The following TDRD1 variants were observed in gnomAD, a reference collection of about 807,000 sequenced individuals.
TDRD1 encodes the protein tudor domain-containing protein 1.
In TDRD1, 37 loss-of-function variants were observed where a neutral mutation model predicts 140.6. That is an observed-to-expected ratio of 0.26 (90% CI 0.20 to 0.35). The LOEUF (loss-of-function observed/expected upper bound fraction) is 0.35, where lower values mean the gene tolerates loss of function less well. Ranked by LOEUF, TDRD1 falls within the 10% of genes least tolerant of loss-of-function variation. The pLI is 1.00. For missense variants in TDRD1, 1,243 were observed against 1,393.0 expected, an observed-to-expected ratio of 0.89 and a Z score of 1.71; for synonymous variants, 506 against 475.7, an observed-to-expected ratio of 1.06 and a Z score of -0.83.
chr10:114,208,430 CAATT>C (rs2133039503), intron 11 of TDRD1, among the ~76,000 whole-genome samples: 1 of 152,338 alleles, frequency 6.6e-6, no homozygotes, highest in South Asian at 2.1e-4. Context: ...CTCTGTCACA[CAATT>C]AAATCAGTCC....
At chr10:114,199,407 A>G in intron 4 of TDRD1, 90 bp downstream of exon 4, 2 of 1,483,162 alleles carry the variant, frequency 1.3e-6, no homozygotes, top group Non-Finnish European at 1.8e-6. Context: ...ATTAAGTGTA[A>G]TTAGAACAGT....
At chr10:114,218,723 C>T (rs747460613) in intron 18 of TDRD1, 139 bp downstream of exon 18, 10 of 609,312 alleles carry the variant, frequency 1.6e-5, no homozygotes, top group Non-Finnish European at 2.6e-5. Flanking sequence ...ATTTTACTTA[C>T]AATATTGACC....
exon 21 of TDRD1, chr10:114,222,666 A>G: frequency 6.2e-7 from 1 of 1,612,694 alleles, no homozygotes; most frequent in Non-Finnish European, 8.5e-7. Flanking sequence ...CACCCTATAG[A>G]CCAAGAATTG....
At chr10:114,203,957 AG>A in intron 8 of TDRD1, 115 bp from the exon 9 acceptor site, 1 of 1,209,188 alleles carries the variant, frequency 8.3e-7, no homozygotes. Flanking sequence ...TTATTAATTG[AG>A]TGCCTCAGAA....
At chr10:114,220,762 T>A in exon 19 of TDRD1, 2 of 1,612,382 alleles carry the variant, frequency 1.2e-6, no homozygotes, top group Non-Finnish European at 1.7e-6. Context: ...GGTTTTAAAA[T>A]CTGCTTCACC....
intron 11 of TDRD1, among the ~76,000 whole-genome samples, chr10:114,209,315 G>A (rs1053717745): frequency 4.6e-5 from 7 of 152,168 alleles, no homozygotes; most frequent in Admixed American, 2.0e-4. Flanking sequence ...CTATGTACAC[G>A]TGAAGAAGCA....
chr10:114,186,588 C>G (rs956067607), intron 1 of TDRD1, among the ~76,000 whole-genome samples: 1 of 152,098 alleles, frequency 6.6e-6, no homozygotes, highest in Admixed American at 6.6e-5. Flanking sequence ...TGTAATTGAA[C>G]GACATTGCTC....
At chr10:114,203,737 T>C (rs1437684095) in intron 8 of TDRD1, among the ~76,000 whole-genome samples, 170 bp downstream of exon 8, 1 of 152,230 alleles carries the variant, frequency 6.6e-6, no homozygotes, top group East Asian at 1.9e-4. Flanking sequence ...CTCCCTGTCT[T>C]ACTCCTCTCC....
At chr10:114,201,766 C>G (rs1393894689) in intron 5 of TDRD1, among the ~76,000 whole-genome samples, 1 of 152,108 alleles carries the variant, frequency 6.6e-6, no homozygotes, top group Non-Finnish European at 1.5e-5. Flanking sequence ...TTTAGAATGC[C>G]TTACTTTTAA....
At chr10:114,185,464 A>G (rs1330539621) in intron 1 of TDRD1, among the ~76,000 whole-genome samples, 1 of 152,058 alleles carries the variant, frequency 6.6e-6, no homozygotes, top group East Asian at 1.9e-4. Flanking sequence ...TGCTTGGATT[A>G]CAGGCGTGAG....
chr10:114,186,358 A>G (rs192085752), intron 1 of TDRD1, among the ~76,000 whole-genome samples: 2,352 of 151,908 alleles, frequency 0.015, 53 homozygotes, highest in African/African-American at 0.055. Context: ...CCGCCTCCTG[A>G]GTTCATGCCA....
Position 114,203,242 on chromosome 10 carries a change from T to G in TDRD1, c.801+66T>G. 1.3e-6 allele frequency: 2 copies of G among 1,503,866 alleles called. 1 individual carries two copies. Among genetic ancestry groups the G allele is most frequent in the African/African-American group, 2.8e-5 (2 of 71,538 alleles). 93.2% of individuals were successfully genotyped at this position (1,503,866 alleles called of 1,614,324 possible). A position where few individuals can be genotyped will look rare whatever the true frequency, so the allele number is the denominator to read the frequency against. On this transcript the variant is annotated intron_variant, in intron 7 of 25. Transcript: ENST00000251864. ...GAACTGTATTTATTCTCGTTTCCTA[T>G]TTTTGAGTTCATGCGGTAGCTACAA...
chr10:114,205,645 G>A (rs1157790341), intron 10 of TDRD1, among the ~76,000 whole-genome samples: 1 of 152,138 alleles, frequency 6.6e-6, no homozygotes, highest in Non-Finnish European at 1.5e-5. Flanking sequence ...TGTTCTTCAG[G>A]ATTTCAAAGT....
intron 2 of TDRD1, among the ~76,000 whole-genome samples, chr10:114,188,982 C>T (rs1265125081): frequency 6.6e-6 from 1 of 151,602 alleles, no homozygotes; most frequent in Non-Finnish European, 1.5e-5. Flanking sequence ...ATATAATTCT[C>T]AGAATGTGCG....
At chr10:114,188,369 G>A (rs935172501) in intron 2 of TDRD1, among the ~76,000 whole-genome samples, 1 of 152,142 alleles carries the variant, frequency 6.6e-6, no homozygotes, top group Non-Finnish European at 1.5e-5. Flanking sequence ...CCTGGGGAGA[G>A]AATGAGCTTT....
chr10:114,194,320 G>A (rs2034189717), intron 3 of TDRD1, among the ~76,000 whole-genome samples: 1 of 152,096 alleles, frequency 6.6e-6, no homozygotes, highest in South Asian at 2.1e-4. Context: ...AAACCATCTG[G>A]ACCTGGAGAT....
At chr10:114,180,226 C>T (rs1460601605) in intron 1 of TDRD1, among the ~76,000 whole-genome samples, 1 of 152,162 alleles carries the variant, frequency 6.6e-6, no homozygotes, top group Non-Finnish European at 1.5e-5. Flanking sequence ...CCCTTTAAGC[C>T]CTTAGGAAGT....
In TDRD1 at chr10:114,220,859, C is replaced by A. The variant is rs748375421; in HGVS notation, c.2770+16C>A. 1 of 1,566,562 alleles carries A rather than the reference C, an allele frequency of 6.4e-7. No individual in the cohort carries two copies. Among genetic ancestry groups the A allele is most frequent in the Non-Finnish European group, 8.7e-7 (1 of 1,148,582 alleles). ...GGACTTCAAGGTAACATTTTAAAAC[C>A]ATTTATTTGTTTAAATTTGTTATTC... On this transcript the variant is annotated intron_variant, in intron 19 of 25. Coordinates refer to ENST00000251864, the Ensembl canonical transcript of TDRD1.
chr10:114,213,985 G>C, exon 16 of TDRD1: 1 of 1,613,858 alleles, frequency 6.2e-7, no homozygotes, highest in South Asian at 1.1e-5. Flanking sequence ...AGTTCCCTTG[G>C]GTGTGGAAGG....
Sources: allele counts gnomAD v4.1 joint callset (sites outside exome capture counted in the v4.1 genomes callset), GRCh38; gene constraint gnomAD v4.1.1; transcripts MANE v1.5; gene names NCBI Gene and HGNC (gene_info 2026-07-23, HGNC 2026-07-21).